Variants in NFKB1 observed in about 807,000 individuals in gnomAD.
The protein encoded by NFKB1 is nuclear factor NF-kappa-B p105 subunit.
In NFKB1, 9 loss-of-function variants were observed where a neutral mutation model predicts 105.1. The ratio of observed to expected loss-of-function variants is 0.09; its 90% CI spans 0.05 to 0.15. The LOEUF (loss-of-function observed/expected upper bound fraction) is 0.15. Among genes scored for constraint, NFKB1 ranks in the 10% least tolerant of loss-of-function variants. NFKB1 has a pLI of 1.00. For missense variants in NFKB1, 830 were observed against 1,203.7 expected (o/e 0.69, Z 4.59); for synonymous variants, 440 against 442.2 (o/e 1.00, Z 0.06).
chr4:102,604,503 G>C (rs1444138548), intron 16 of NFKB1, among the ~76,000 whole-genome samples: 1 of 151,026 alleles, frequency 6.6e-6, no homozygotes, highest in African/African-American at 2.5e-5. Context: ...ACACACTTGT[G>C]TGTATCTGTA....
chr4:102,561,654 A>G (rs1443580974), intron 5 of NFKB1, among the ~76,000 whole-genome samples: 1 of 152,130 alleles, frequency 6.6e-6, no homozygotes. Flanking sequence ...TGATCGCTCC[A>G]TTTATAGGAA....
chr4:102,609,603 C>T (rs1379657177), intron 19 of NFKB1, among the ~76,000 whole-genome samples: 4 of 112,794 alleles, frequency 3.5e-5, no homozygotes, highest in Non-Finnish European at 5.1e-5. Context: ...CAGAGCAAGA[C>T]TCCATCTCAA....
chr4:102,539,801 T>C (rs1001962621), intron 5 of NFKB1, among the ~76,000 whole-genome samples: 2 of 152,148 alleles, frequency 1.3e-5, no homozygotes, highest in Non-Finnish European at 2.9e-5. Context: ...TGCAGCAGGC[T>C]ATTGCTCACC....
At chr4:102,525,202 C>T (rs1490397208) in intron 1 of NFKB1, among the ~76,000 whole-genome samples, 3 of 151,970 alleles carry the variant, frequency 2.0e-5, no homozygotes, top group Non-Finnish European at 4.4e-5. Context: ...TCTAAGAATC[C>T]CAGTATGTAT....
intron 5 of NFKB1, 150 bp downstream of exon 5, chr4:102,538,106 T>C (rs1560652777): frequency 1.1e-5 from 5 of 458,226 alleles, no homozygotes; most frequent in Non-Finnish European, 2.0e-5. Flanking sequence ...TAGAAATTTG[T>C]CTCCTAGCAA....
intron 1 of NFKB1, among the ~76,000 whole-genome samples, chr4:102,502,407 C>A (rs1165658644): frequency 6.6e-6 from 1 of 150,390 alleles, no homozygotes; most frequent in Non-Finnish European, 1.5e-5. Flanking sequence ...CACACACACA[C>A]ACACACACAC....
chr4:102,560,237 G>A (rs935317208), intron 5 of NFKB1, among the ~76,000 whole-genome samples: 2 of 152,162 alleles, frequency 1.3e-5, no homozygotes, highest in African/African-American at 2.4e-5. Context: ...TAGCAATAGT[G>A]TGTTACTTCT....
intron 5 of NFKB1, among the ~76,000 whole-genome samples, chr4:102,557,637 C>T (rs1723087595): frequency 1.3e-5 from 2 of 152,134 alleles, no homozygotes; most frequent in Admixed American, 1.3e-4. Flanking sequence ...AATCCTGGAT[C>T]CCTGAGGGAA....
intron 22 of NFKB1, 116 bp from the exon 23 acceptor site, chr4:102,613,309 C>G: frequency 9.5e-7 from 1 of 1,054,894 alleles, no homozygotes; most frequent in Non-Finnish European, 1.4e-6. Context: ...CCATTTCCTC[C>G]TGGCTCCTGA....
At chr4:102,508,412 T>G (rs1739566385) in intron 1 of NFKB1, among the ~76,000 whole-genome samples, 1 of 152,194 alleles carries the variant, frequency 6.6e-6, no homozygotes, top group Non-Finnish European at 1.5e-5. Flanking sequence ...AGAATTAAAA[T>G]TAAATTACAC....
intron 5 of NFKB1, among the ~76,000 whole-genome samples, chr4:102,565,228 G>A (rs1223387703): frequency 1.3e-5 from 2 of 151,762 alleles, no homozygotes; most frequent in Admixed American, 6.6e-5. Flanking sequence ...AACCCTCTTC[G>A]TGATTGGCTT....
intron 5 of NFKB1, among the ~76,000 whole-genome samples, chr4:102,565,984 G>A (rs1363796971): frequency 6.6e-6 from 1 of 152,138 alleles, no homozygotes; most frequent in African/African-American, 2.4e-5. Context: ...GGAGATTATA[G>A]TGCATTTCCA....
intron 23 of NFKB1, among the ~76,000 whole-genome samples, chr4:102,615,219 G>A (rs113959626): frequency 6.6e-6 from 1 of 152,364 alleles, no homozygotes; most frequent in African/African-American, 2.4e-5. Flanking sequence ...GTGCCTAGCA[G>A]TGTTCGAGGT....
intron 20 of NFKB1, among the ~76,000 whole-genome samples, chr4:102,611,374 A>G (rs1346289203): frequency 6.7e-6 from 1 of 150,334 alleles, no homozygotes; most frequent in African/African-American, 2.5e-5. Context: ...CCTTTATGTT[A>G]GCACCTCATT....
At chr4:102,502,416 A>G (rs1320477477) in intron 1 of NFKB1, among the ~76,000 whole-genome samples, 3 of 143,110 alleles carry the variant, frequency 2.1e-5, no homozygotes, top group Non-Finnish European at 4.6e-5. Context: ...ACACACACAC[A>G]CACACACACA....
At chr4:102,546,603 G>A (rs190668750) in intron 5 of NFKB1, among the ~76,000 whole-genome samples, 46 of 152,262 alleles carry the variant, frequency 3.0e-4, no homozygotes, top group Admixed American at 2.9e-3. Context: ...AACACAATAG[G>A]ATATGGGTGG....
intron 16 of NFKB1, among the ~76,000 whole-genome samples, chr4:102,602,430 C>G (rs1169753064): frequency 6.6e-6 from 1 of 150,958 alleles, no homozygotes; most frequent in Non-Finnish European, 1.5e-5. Flanking sequence ...GTCCCAGCTA[C>G]TCGGGAGGCT....
intron 6 of NFKB1, among the ~76,000 whole-genome samples, chr4:102,573,482 C>T (rs911368124): frequency 6.6e-6 from 1 of 151,972 alleles, no homozygotes; most frequent in East Asian, 1.9e-4. Flanking sequence ...CTCTTCCTCA[C>T]TCGTTTTAAG....
chr4:102,525,411 C>A, intron 1 of NFKB1, 101 bp from the exon 2 acceptor site: 1 of 1,076,192 alleles, frequency 9.3e-7, no homozygotes, highest in Non-Finnish European at 1.4e-6. Context: ...TTTGGTCTTA[C>A]TGGTATAATA....
Sources: gnomAD v4.1 joint callset for allele counts (sites outside exome capture counted in the v4.1 genomes callset) on GRCh38, gnomAD v4.1.1 for gene constraint, MANE v1.5 for transcripts, NCBI Gene and HGNC (gene_info 2026-07-23, HGNC 2026-07-21) for gene names.